The following MYO16 variants were observed in gnomAD, a reference collection of about 807,000 sequenced individuals.
The protein encoded by MYO16 is myosin XVI.
MYO16 carries 94 observed loss-of-function variants against 205.3 expected under a neutral mutation model. The observed-to-expected ratio is 0.46, with a 90% confidence interval of 0.39 to 0.54. The LOEUF is 0.54. Among genes scored for constraint, MYO16 ranks in the 20% least tolerant of loss-of-function variants. The pLI, the probability that MYO16 is intolerant of heterozygous loss-of-function variation, is 0.00. For synonymous variants in MYO16, 988 were observed against 954.0 expected (o/e 1.04, Z -0.66); for missense variants, 2,315 against 2,387.5 (o/e 0.97, Z 0.63).
chr13:109,010,105 C>G (rs1300714109), intron 22 of MYO16, among the ~76,000 whole-genome samples: 1 of 152,092 alleles, frequency 6.6e-6, no homozygotes, highest in Non-Finnish European at 1.5e-5. Flanking sequence ...AGGGGTTGAT[C>G]CAGATTTTTA....
intron 1 of MYO16, among the ~76,000 whole-genome samples, chr13:108,646,626 C>A (rs1239105675): frequency 6.6e-6 from 1 of 152,164 alleles, no homozygotes; most frequent in African/African-American, 2.4e-5. Flanking sequence ...GCACTAAATT[C>A]TCCTTCCATC....
chr13:109,173,949 G>GGGC (rs1879043067), intron 33 of MYO16, among the ~76,000 whole-genome samples: 1 of 131,026 alleles, frequency 7.6e-6, no homozygotes, highest in African/African-American at 2.7e-5. Flanking sequence ...TGTTTTGATG[G>GGGC]GGGGGGGTAC....
the MYO16 span, among the ~76,000 whole-genome samples, chr13:108,574,659 C>G: frequency 7.1e-6 from 1 of 141,214 alleles, no homozygotes; most frequent in Non-Finnish European, 1.5e-5. Context: ...GGGGGCCTAC[C>G]AATAACAATT....
intron 1 of MYO16, among the ~76,000 whole-genome samples, chr13:108,617,473 G>C (rs890626848): frequency 2.6e-5 from 4 of 152,094 alleles, no homozygotes; most frequent in Non-Finnish European, 5.9e-5. Flanking sequence ...GTGTATACCT[G>C]AGTAGTTTTA....
chr13:108,537,725 C>T, the MYO16 span, among the ~76,000 whole-genome samples: 3 of 151,984 alleles, frequency 2.0e-5, no homozygotes, highest in Non-Finnish European at 2.9e-5. Context: ...GATAGTATCT[C>T]ATTGTGATTT....
the MYO16 span, among the ~76,000 whole-genome samples, chr13:108,529,273 G>C: frequency 6.6e-6 from 1 of 152,104 alleles, no homozygotes; most frequent in South Asian, 2.1e-4. Flanking sequence ...ATTCAGAGCA[G>C]GTAGAGTTAC....
the MYO16 span, among the ~76,000 whole-genome samples, chr13:108,509,907 G>A: frequency 2.0e-5 from 3 of 152,080 alleles, no homozygotes; most frequent in Non-Finnish European, 4.4e-5. Context: ...TTTTGCTACA[G>A]TCATGGTGCT....
At position 109,029,764 on chromosome 13, in the gene MYO16, C is replaced by G. The variant is rs1886490099; in HGVS notation, c.2796+9853C>G. On this transcript the variant is annotated intron_variant, in intron 23 of 34. Transcript: ENST00000457511. ...AATAAAAAGTAGCTCTACTAGGCTCCTGGTGTTCCACTGCTGACACGAATT... is the reference window on the plus strand; with the variant it reads ...AATAAAAAGTAGCTCTACTAGGCTCGTGGTGTTCCACTGCTGACACGAATT... Among the ~76,000 whole-genome samples, 4 of 152,312 alleles carry G rather than the reference C, an allele frequency of 2.6e-5. No homozygotes were observed. In the South Asian group the frequency reaches 6.2e-4, roughly 24 times the overall value.
At chr13:109,024,186 G>A (rs1886282905) in intron 23 of MYO16, among the ~76,000 whole-genome samples, 1 of 151,138 alleles carries the variant, frequency 6.6e-6, no homozygotes, top group African/African-American at 2.4e-5. Flanking sequence ...TAGGAAAACA[G>A]CAATCTTAGA....
chr13:108,639,607 T>G (rs1880411493), intron 1 of MYO16, among the ~76,000 whole-genome samples: 2 of 152,210 alleles, frequency 1.3e-5, no homozygotes, highest in South Asian at 4.1e-4. Context: ...TCTAAGGACT[T>G]TTTCTGAAAG....
At chr13:108,868,917 C>A (rs1257810501) in intron 12 of MYO16, among the ~76,000 whole-genome samples, 95 of 138,306 alleles carry the variant, frequency 6.9e-4, no homozygotes, top group African/African-American at 1.0e-3. Flanking sequence ...GAGACTCTGT[C>A]AAAAAAAAAA....
chr13:109,150,949 A>G (rs1229127470), intron 32 of MYO16, among the ~76,000 whole-genome samples: 1 of 152,246 alleles, frequency 6.6e-6, no homozygotes, highest in South Asian at 2.1e-4. Context: ...GCCACATAAT[A>G]CAATATCCTG....
chr13:109,189,651 ACTT>A (rs1879828376), intron 34 of MYO16, among the ~76,000 whole-genome samples: 2 of 152,292 alleles, frequency 1.3e-5, no homozygotes, highest in African/African-American at 2.4e-5. Flanking sequence ...CCATGTTGTA[ACTT>A]CTTCTTTCAA....
chr13:108,863,607 T>G lies in MYO16; in HGVS notation c.1360-2570T>G, dbSNP rs530337589. ...CAATTTGTTAATATTTTGCTTAGGA[T>G]TTTTACATGTATTTTAATGAGAGAG... is the stretch of plus-strand genomic sequence containing the variant. On this transcript the variant is annotated intron_variant, in intron 11 of 34. Coordinates refer to ENST00000457511, the MANE Select transcript of MYO16 (RefSeq NM_001198950.3). 2.3e-3 allele frequency among the ~76,000 whole-genome samples: 355 copies of G among 152,232 alleles called. 1 individual carries two copies. Among genetic ancestry groups the G allele is most frequent in the African/African-American group, 7.5e-3 (311 of 41,572 alleles).
intron 2 of MYO16, among the ~76,000 whole-genome samples, chr13:108,695,919 G>T (rs567009919): frequency 6.0e-4 from 91 of 152,162 alleles, no homozygotes; most frequent in Middle Eastern, 3.4e-3. Context: ...CATAAAGGAG[G>T]AACAACCATA....
intron 20 of MYO16, among the ~76,000 whole-genome samples, chr13:108,975,758 C>A (rs904978708): frequency 1.3e-5 from 2 of 152,180 alleles, no homozygotes; most frequent in East Asian, 1.9e-4. Context: ...TGAAAAAAAG[C>A]AGCATGATTT....
At chr13:108,560,420 G>A in the MYO16 span, among the ~76,000 whole-genome samples, 2 of 152,168 alleles carry the variant, frequency 1.3e-5, no homozygotes, top group African/African-American at 4.8e-5. Flanking sequence ...AAAATTTCTG[G>A]TAGGAAACTG....
chr13:108,991,929 T>A (rs183311604), intron 20 of MYO16, among the ~76,000 whole-genome samples: 13 of 152,332 alleles, frequency 8.5e-5, no homozygotes, highest in Non-Finnish European at 1.8e-4. Flanking sequence ...CAAATTCTTG[T>A]TTTTTAAAAT....
intron 2 of MYO16, among the ~76,000 whole-genome samples, chr13:108,687,414 G>C (rs1882722146): frequency 6.6e-6 from 1 of 152,096 alleles, no homozygotes; most frequent in Non-Finnish European, 1.5e-5. Flanking sequence ...ACCAGACCAG[G>C]CTTGTCACTT....
Sources: gnomAD v4.1 joint callset for allele counts (sites outside exome capture counted in the v4.1 genomes callset) on GRCh38, gnomAD v4.1.1 for gene constraint, MANE v1.5 for transcripts, NCBI Gene and HGNC (gene_info 2026-07-23, HGNC 2026-07-21) for gene names.